Variants in ATP11A observed in about 807,000 individuals in gnomAD.
ATP11A encodes the protein ATPase phospholipid transporting 11A.
ATP11A carries 81 observed loss-of-function variants against 154.4 expected under a neutral mutation model. The observed-to-expected ratio is 0.52, with a 90% CI of 0.44 to 0.63. The LOEUF is 0.63. ATP11A is among the 30% of genes least tolerant of loss of function. The pLI, the probability that ATP11A is intolerant of heterozygous loss-of-function variation, is 0.00. For missense variants in ATP11A, 1,316 were observed against 1,474.3 expected (o/e 0.89, Z 1.76); for synonymous variants, 623 against 585.9 (o/e 1.06, Z -0.91).
At chr13:112,854,645 C>T in intron 19 of ATP11A, 115 bp downstream of exon 19, 2 of 1,271,180 alleles carry the variant, frequency 1.6e-6, no homozygotes, top group Non-Finnish European at 2.1e-6. Flanking sequence ...ATTCGGTTCT[C>T]CCCTGGGGCA....
intron 1 of ATP11A, among the ~76,000 whole-genome samples, chr13:112,710,425 A>G (rs867468094): frequency 1.3e-5 from 2 of 152,222 alleles, no homozygotes; most frequent in South Asian, 4.1e-4. Flanking sequence ...GCCGCTCCCC[A>G]GAAAACAAGC....
At position 112,753,512 on chromosome 13, in the gene ATP11A, T is replaced by A. The variant is rs946112608; in HGVS notation, c.40-31623T>A. Among the ~76,000 whole-genome samples, 2 of 152,196 alleles carry A rather than the reference T, an allele frequency of 1.3e-5. No individual in the cohort carries two copies. Among genetic ancestry groups the A allele is most frequent in the African/African-American group, 4.8e-5 (2 of 41,436 alleles). On this transcript the variant is annotated intron_variant, in intron 1 of 29. Coordinates refer to ENST00000375645, the MANE Select transcript of ATP11A (RefSeq NM_015205.3). This position sits in a 1 kb window ranked among gnomAD's most constrained non-coding sequence, Gnocchi z 4.1. The stretch of plus-strand genomic sequence containing the variant: ...TACCGCTGCTGGATGAGATGCCACG[T>A]CCTGTTGTGGTTTTATCTTGTACTT...
intron 2 of ATP11A, among the ~76,000 whole-genome samples, chr13:112,789,272 G>A (rs1463514311): frequency 6.7e-6 from 1 of 148,786 alleles, no homozygotes; most frequent in East Asian, 2.0e-4. Flanking sequence ...GTAGACTCCT[G>A]TGGAGACCTC....
intron 28 of ATP11A, among the ~76,000 whole-genome samples, chr13:112,876,760 G>A (rs1452022105): frequency 1.3e-5 from 2 of 152,240 alleles, no homozygotes; most frequent in African/African-American, 2.4e-5. Context: ...GGCTCCCCAG[G>A]TGGGAGGAAG....
chr13:112,772,187 G>C (rs1158402934), intron 1 of ATP11A, among the ~76,000 whole-genome samples: 1 of 152,110 alleles, frequency 6.6e-6, no homozygotes, highest in African/African-American at 2.4e-5. Flanking sequence ...TTTCTAAGAC[G>C]GAGTTTATTA....
Position 112,712,338 on chromosome 13 carries a change from C to G in ATP11A, c.39+21883C>G, listed in dbSNP as rs113045024. Among the ~76,000 whole-genome samples, 741 of 152,288 alleles carry G rather than the reference C, an allele frequency of 4.9e-3. 4 individuals carry two copies. Among genetic ancestry groups the G allele is most frequent in the Middle Eastern group, 0.024 (7 of 294 alleles). On this transcript the variant is annotated intron_variant, in intron 1 of 29. Coordinates refer to ENST00000375645, the MANE Select transcript of ATP11A (RefSeq NM_015205.3). ...TAGAATTTGCTGGGGCTAAGGGAGT[C>G]AGGGCTGGTTTTCTCCAGCAGCCTT... is the stretch of plus-strand genomic sequence containing the variant.
At chr13:112,738,934 C>T (rs949700938) in intron 1 of ATP11A, among the ~76,000 whole-genome samples, 3 of 152,070 alleles carry the variant, frequency 2.0e-5, no homozygotes, top group Non-Finnish European at 2.9e-5. Flanking sequence ...TAGGAAGTGG[C>T]GTCTCACCTG....
At chr13:112,782,250 C>T (rs553836613) in intron 1 of ATP11A, among the ~76,000 whole-genome samples, 4 of 152,248 alleles carry the variant, frequency 2.6e-5, no homozygotes, top group South Asian at 2.1e-4. Flanking sequence ...TGGCTGGAAG[C>T]GGCCGGGAAG....
intron 23 of ATP11A, 90 bp from the exon 24 acceptor site, chr13:112,860,197 A>G: frequency 6.9e-7 from 1 of 1,458,012 alleles, no homozygotes; most frequent in South Asian, 1.3e-5. Flanking sequence ...CTTTCTATGC[A>G]TTTCAGAAAG....
At chr13:112,880,139 A>G (rs2080841311) in intron 29 of ATP11A, among the ~76,000 whole-genome samples, 1 of 152,216 alleles carries the variant, frequency 6.6e-6, no homozygotes, top group South Asian at 2.1e-4. Flanking sequence ...GGACTCAGGA[A>G]AGTCCGTCGC....
intron 1 of ATP11A, among the ~76,000 whole-genome samples, chr13:112,727,764 C>T (rs531987795): frequency 6.6e-6 from 1 of 152,320 alleles, no homozygotes; most frequent in South Asian, 2.1e-4. Context: ...AAATGCAGAT[C>T]GGCTTTCATC....
Position 112,858,306 on chromosome 13 carries a change from C to T in ATP11A, c.2667+16C>T. ...CTTCTATAAGGTAGGAGGGTCGCCG[C>T]TCCCCCTCACGGTGTTAGCAACAGG... On this transcript the variant is annotated intron_variant, in intron 22 of 29. Coordinates refer to ENST00000375645, the MANE Select transcript of ATP11A (RefSeq NM_015205.3). 1 of 1,602,974 alleles carries T rather than the reference C, an allele frequency of 6.2e-7. No individual in the cohort carries two copies. Among genetic ancestry groups the T allele is most frequent in the Non-Finnish European group, 8.5e-7 (1 of 1,172,838 alleles).
chr13:112,755,616 G>A (rs1019046172), intron 1 of ATP11A, among the ~76,000 whole-genome samples: 3 of 152,138 alleles, frequency 2.0e-5, no homozygotes, highest in African/African-American at 7.2e-5. Context: ...AATCATGGAA[G>A]CGTCACTCAG....
At chr13:112,694,615 C>T (rs1489459647) in intron 1 of ATP11A, among the ~76,000 whole-genome samples, 1 of 152,156 alleles carries the variant, frequency 6.6e-6, no homozygotes, top group African/African-American at 2.4e-5. Context: ...GATTTTTCTT[C>T]AGAGTTCTGT....
chr13:112,836,165 A>G lies in ATP11A; in HGVS notation c.1632-13A>G. ...CCGTGTGGACGGTGTGACCTTCTGCATTTCTCTTTCAGGTTTGAATTGCTG... is the reference window on the plus strand; with the variant it reads ...CCGTGTGGACGGTGTGACCTTCTGCGTTTCTCTTTCAGGTTTGAATTGCTG... On this transcript the variant is annotated splice_polypyrimidine_tract_variant and intron_variant, in intron 15 of 29. Coordinates refer to ENST00000375645, the MANE Select transcript of ATP11A (RefSeq NM_015205.3). 2.5e-6 allele frequency: 4 copies of G among 1,606,406 alleles called. No individual in the cohort carries two copies. Among genetic ancestry groups the G allele is most frequent in the Non-Finnish European group, 3.4e-6 (4 of 1,173,584 alleles).
chr13:112,756,209 T>C (rs1398470720), intron 1 of ATP11A, among the ~76,000 whole-genome samples: 1 of 152,204 alleles, frequency 6.6e-6, no homozygotes, highest in East Asian at 1.9e-4. Context: ...AAATAAAACT[T>C]AGTCTGTGAA....
chr13:112,780,475 G>A (rs1250155152), intron 1 of ATP11A, among the ~76,000 whole-genome samples: 4 of 152,176 alleles, frequency 2.6e-5, no homozygotes, highest in Non-Finnish European at 4.4e-5. Flanking sequence ...CTGTCCCCAC[G>A]CGTGTTGCTG....
Position 112,783,135 on chromosome 13 carries a change from C to T in ATP11A, c.40-2000C>T, listed in dbSNP as rs181402999. 2.6e-5 allele frequency among the ~76,000 whole-genome samples: 4 copies of T among 152,240 alleles called. No individual in the cohort carries two copies. In the East Asian group the frequency reaches 5.8e-4, roughly 22 times the overall value. Reference sequence around the variant, plus strand: ...ACATTCACACAGCTCCTGTCCGGGACGTTCTGGGTGGGACAGTGTGGAAAG... The same window carrying T: ...ACATTCACACAGCTCCTGTCCGGGATGTTCTGGGTGGGACAGTGTGGAAAG... On this transcript the variant is annotated intron_variant, in intron 1 of 29. Coordinates refer to ENST00000375645, the MANE Select transcript of ATP11A (RefSeq NM_015205.3).
intron 1 of ATP11A, among the ~76,000 whole-genome samples, chr13:112,765,521 G>A (rs138389497): frequency 2.4e-4 from 36 of 152,348 alleles, no homozygotes; most frequent in Middle Eastern, 6.8e-3. Context: ...GTTAAGAAGC[G>A]GCCTCTGAAC....
Sources: allele counts gnomAD v4.1 joint callset (sites outside exome capture counted in the v4.1 genomes callset), GRCh38; gene constraint gnomAD v4.1.1; non-coding constraint Gnocchi (gnomAD v3.1); transcripts MANE v1.5; gene names NCBI Gene and HGNC (gene_info 2026-07-23, HGNC 2026-07-21).